The following SNX24 variants were observed in gnomAD, a reference collection of about 807,000 sequenced individuals.
SNX24 encodes the protein sorting nexin-24.
A neutral mutation model predicts 28.7 loss-of-function variants in SNX24; 22 were observed. The ratio of observed to expected loss-of-function variants is 0.77; its 90% confidence interval spans 0.55 to 1.10. SNX24 has a LOEUF of 1.10. SNX24 is among the 50% of genes least tolerant of loss of function. SNX24 has a pLI of 0.00. For missense variants in SNX24, 221 were observed against 201.1 expected (o/e 1.10, Z -0.60); for synonymous variants, 69 against 71.5 (o/e 0.96, Z 0.18).
In SNX24 at chr5:123,008,926, T is replaced by G; in HGVS notation, c.*1177T>G. On this transcript the variant is annotated 3_prime_UTR_variant, in exon 7 of 7. Coordinates refer to ENST00000261369, the MANE Select transcript of SNX24 (RefSeq NM_014035.4). ...GAGATCTAATTAATAGCTAGCCTAT[T>G]TATGGTTATTCGTTTTAGTAAGTTC... is the stretch of plus-strand genomic sequence containing the variant. The G allele has an allele frequency of 1.0e-6, 1 of 985,074 alleles. No individual in the cohort carries two copies. The highest frequency in any genetic ancestry group is 1.1e-4 in the East Asian group (1 of 8,820). The allele number at this position is 985,074 out of a possible 1,614,324, so 61.0% of individuals were successfully genotyped here. A position where few individuals can be genotyped will look rare whatever the true frequency, so the allele number is the denominator to read the frequency against.
chr5:122,930,829 C>T (rs781707033), intron 1 of SNX24, among the ~76,000 whole-genome samples: 1 of 152,160 alleles, frequency 6.6e-6, no homozygotes, highest in South Asian at 2.1e-4. Flanking sequence ...CCAACTCTTA[C>T]ATAGGTATTT....
intron 5 of SNX24, among the ~76,000 whole-genome samples, chr5:123,028,335 C>T (rs10066188): frequency 0.36 from 54,187 of 151,998 alleles, 10,481 homozygotes; most frequent in African/African-American, 0.49. Flanking sequence ...GAGGAAAGTG[C>T]GCTGTGACCC....
At chr5:122,898,582 C>T (rs957175844) in intron 1 of SNX24, among the ~76,000 whole-genome samples, 1 of 151,972 alleles carries the variant, frequency 6.6e-6, no homozygotes. Context: ...GTTCTTTGGT[C>T]TGGGAAAGGA....
intron 1 of SNX24, among the ~76,000 whole-genome samples, chr5:122,906,855 T>C (rs747518124): frequency 6.6e-6 from 1 of 152,066 alleles, no homozygotes; most frequent in Non-Finnish European, 1.5e-5. Flanking sequence ...CACACAGAAG[T>C]GAAGTAACTT....
chr5:123,026,215 G>A (rs984147295), intron 5 of SNX24, among the ~76,000 whole-genome samples: 5 of 152,248 alleles, frequency 3.3e-5, no homozygotes, highest in Admixed American at 3.3e-4. Context: ...ATACTCTCTG[G>A]CCTCATACCA....
At chr5:123,016,840 G>A (rs1762687340) in intron 5 of SNX24, among the ~76,000 whole-genome samples, 3 of 152,126 alleles carry the variant, frequency 2.0e-5, no homozygotes, top group Non-Finnish European at 4.4e-5. Flanking sequence ...AGGAAGCTCA[G>A]GGAGCTCCAC....
chr5:123,015,764 GAAAA>G (rs971645232), intron 5 of SNX24, among the ~76,000 whole-genome samples: 7 of 150,426 alleles, frequency 4.7e-5, no homozygotes, highest in African/African-American at 1.7e-4. Flanking sequence ...AATTAAAAAA[GAAAA>G]AAAAACACCT....
intron 1 of SNX24, among the ~76,000 whole-genome samples, chr5:122,847,394 A>G (rs893165421): frequency 2.0e-5 from 3 of 151,900 alleles, no homozygotes; most frequent in African/African-American, 7.3e-5. Flanking sequence ...CAAATTCGGG[A>G]GAGTTTGAAG....
intron 1 of SNX24, among the ~76,000 whole-genome samples, chr5:122,914,124 G>GGGGAGA (rs566906586): frequency 7.2e-5 from 11 of 152,198 alleles, no homozygotes; most frequent in East Asian, 1.9e-4. Flanking sequence ...GGGAGACCGT[G>GGGGAGA]GGGAGAGGGA....
intron 3 of SNX24, among the ~76,000 whole-genome samples, chr5:122,947,646 T>G (rs1259256342): frequency 6.6e-6 from 1 of 152,190 alleles, no homozygotes; most frequent in Non-Finnish European, 1.5e-5. Flanking sequence ...TGAGGAGCTA[T>G]GATCCTTCCA....
chr5:122,886,017 G>C (rs1312430697), intron 1 of SNX24, among the ~76,000 whole-genome samples: 1 of 152,104 alleles, frequency 6.6e-6, no homozygotes, highest in Non-Finnish European at 1.5e-5. Context: ...ACAGGCCACA[G>C]ACCGTTTCCC....
intron 6 of SNX24, among the ~76,000 whole-genome samples, chr5:123,005,475 C>T (rs1762391750): frequency 6.6e-6 from 1 of 152,160 alleles, no homozygotes; most frequent in Non-Finnish European, 1.5e-5. Flanking sequence ...TTCTCCTTGC[C>T]CTGTTCTTGT....
intron 3 of SNX24, among the ~76,000 whole-genome samples, chr5:122,955,602 T>G (rs1222782354): frequency 6.6e-6 from 1 of 152,222 alleles, no homozygotes; most frequent in Non-Finnish European, 1.5e-5. Context: ...GGTAGAAGAT[T>G]AGGCTCCTCA....
chr5:122,989,849 A>G (rs1365045927), intron 3 of SNX24, among the ~76,000 whole-genome samples: 1 of 152,196 alleles, frequency 6.6e-6, no homozygotes, highest in Non-Finnish European at 1.5e-5. Flanking sequence ...GCTAGGGTAC[A>G]TATGTTTTTC....
intron 2 of SNX24, among the ~76,000 whole-genome samples, chr5:122,941,467 A>G (rs1047253473): frequency 3.3e-5 from 5 of 152,152 alleles, no homozygotes; most frequent in African/African-American, 1.2e-4. Flanking sequence ...GTTCTGATCT[A>G]TTCAAACCAA....
intron 3 of SNX24, among the ~76,000 whole-genome samples, chr5:122,984,253 G>T (rs1449350709): frequency 6.6e-6 from 1 of 151,682 alleles, no homozygotes; most frequent in Non-Finnish European, 1.5e-5. Context: ...AAGTATGTAG[G>T]CATTTCAGAC....
chr5:122,871,787 A>G (rs887983158), intron 1 of SNX24, among the ~76,000 whole-genome samples: 5 of 152,052 alleles, frequency 3.3e-5, no homozygotes, highest in Non-Finnish European at 4.4e-5. Context: ...CAAACAAACA[A>G]AAAAAGCTTT....
At chr5:122,922,873 A>G (rs1395256162) in intron 1 of SNX24, among the ~76,000 whole-genome samples, 1 of 152,144 alleles carries the variant, frequency 6.6e-6, no homozygotes, top group Non-Finnish European at 1.5e-5. Context: ...ATTTTACTTC[A>G]GTGATAGACT....
At chr5:122,958,442 C>T (rs907342602) in intron 3 of SNX24, among the ~76,000 whole-genome samples, 8 of 152,080 alleles carry the variant, frequency 5.3e-5, no homozygotes, top group African/African-American at 1.9e-4. Context: ...TTAGTAGAGA[C>T]GGGGTTTCAC....
Sources: gnomAD v4.1 joint callset for allele counts (sites outside exome capture counted in the v4.1 genomes callset) on GRCh38, gnomAD v4.1.1 for gene constraint, MANE v1.5 for transcripts, NCBI Gene and HGNC (gene_info 2026-07-23, HGNC 2026-07-21) for gene names.